Variants in PIAS4 observed in about 807,000 individuals in gnomAD.
PIAS4 encodes the protein protein inhibitor of activated STAT 4, also known as E3 SUMO-protein ligase PIAS4.
A neutral mutation model predicts 58.0 loss-of-function variants in PIAS4; 7 were observed. The observed-to-expected ratio is 0.12, with a 90% CI of 0.07 to 0.23. PIAS4 has a LOEUF of 0.23. Ranked by LOEUF, PIAS4 falls within the 10% of genes least tolerant of loss-of-function variation. PIAS4 has a pLI of 1.00. For synonymous variants in PIAS4, 364 were observed against 312.4 expected, an observed-to-expected ratio of 1.17 and a Z score of -1.74; for missense variants, 550 against 709.5, an observed-to-expected ratio of 0.78 and a Z score of 2.55.
intron 9 of PIAS4, among the ~76,000 whole-genome samples, chr19:4,036,529 A>T (rs2040289457): frequency 1.5e-5 from 2 of 136,366 alleles, no homozygotes; most frequent in South Asian, 4.6e-4. Context: ...TACAGTCCAC[A>T]CCTGTTACAT....
chr19:4,024,706 T>G (rs2040144940), intron 3 of PIAS4, among the ~76,000 whole-genome samples: 1 of 152,068 alleles, frequency 6.6e-6, no homozygotes, highest in Admixed American at 6.6e-5. Context: ...ACCGCCCGCC[T>G]TAGGAATTTA....
At chr19:4,008,370 C>T (rs972554325) in intron 1 of PIAS4, among the ~76,000 whole-genome samples, 1 of 152,086 alleles carries the variant, frequency 6.6e-6, no homozygotes, top group Non-Finnish European at 1.5e-5. Flanking sequence ...CCTGAGACCA[C>T]CCCCAAGACA....
chr19:4,009,573 CA>C (rs755188744), intron 1 of PIAS4, among the ~76,000 whole-genome samples: 16 of 151,898 alleles, frequency 1.1e-4, no homozygotes, highest in Non-Finnish European at 2.4e-4. Context: ...GGCCCCCCCC[CA>C]CCCCAATTAA....
intron 2 of PIAS4, among the ~76,000 whole-genome samples, chr19:4,023,439 G>C (rs1382444231): frequency 6.6e-6 from 1 of 152,172 alleles, no homozygotes; most frequent in Non-Finnish European, 1.5e-5. Context: ...CAGCCTGGGC[G>C]ACAGGGTAAA....
At chr19:4,035,925 TGCACA>T (rs2040274065) in intron 9 of PIAS4, among the ~76,000 whole-genome samples, 1 of 1,630 alleles carries the variant, frequency 6.1e-4, no homozygotes, top group Non-Finnish European at 4.0e-3. Context: ...CACACACACC[TGCACA>T]CATCCATACA....
chr19:4,031,545 G>A (rs531535011), intron 7 of PIAS4, among the ~76,000 whole-genome samples: 16 of 152,250 alleles, frequency 1.1e-4, no homozygotes, highest in African/African-American at 3.9e-4. Context: ...AACCGCCCCC[G>A]ACCTTCCCTG....
At chr19:4,024,141 C>T in intron 3 of PIAS4, 21 bp downstream of exon 3, 3 of 1,577,466 alleles carry the variant, frequency 1.9e-6, no homozygotes, top group Non-Finnish European at 2.6e-6. Flanking sequence ...CCTCCCCCAG[C>T]CCAGCACCCC....
Position 4,013,379 on chromosome 19 carries a change from T to G in PIAS4, c.454+30T>G, listed in dbSNP as rs781459752. On this transcript the variant is annotated intron_variant, in intron 2 of 10. Transcript: ENST00000262971. This position sits in a 1 kb window ranked among gnomAD's most constrained non-coding sequence, Gnocchi z 5.1. ...GTGGTCACCCTGGGGAGGCTGCGAC[T>G]GGAGGCTTCACCTAGGCCCCGTCGC... The G allele has an allele frequency of 6.3e-7, 1 of 1,583,676 alleles. No homozygotes were observed. The highest frequency in any genetic ancestry group is 2.2e-5 in the East Asian group (1 of 44,506).
chr19:4,020,962 C>G (rs1171687522), intron 2 of PIAS4, among the ~76,000 whole-genome samples: 1 of 152,124 alleles, frequency 6.6e-6, no homozygotes, highest in Non-Finnish European at 1.5e-5. Context: ...AGTGGGATTC[C>G]TGATTCCTGG....
Position 4,037,851 on chromosome 19 carries a change from G to C in PIAS4, c.1509G>C (p.Gln503His). Residue 503 changes from glutamine to histidine, a missense_variant, in exon 11 of 11, where the codon CAG becomes CAC. This residue lies in a region of PIAS4 where 188 missense variants were observed against 192.0 expected (regional missense o/e 0.98). Transcript: ENST00000262971. This position sits in a 1 kb window ranked among gnomAD's most constrained non-coding sequence, Gnocchi z 5.8. ...GGCCCAAGCGCCGCTGCCCCTTCCAGAAGGGCCTGGTGCCGGCCTGCTGAC... is the reference window on the plus strand; with the variant it reads ...GGCCCAAGCGCCGCTGCCCCTTCCACAAGGGCCTGGTGCCGGCCTGCTGAC... ...GPRPKRRCPFQKGLVPAC is the reference protein window; with the variant it reads ...GPRPKRRCPFHKGLVPAC The C allele has an allele frequency of 6.4e-7, 1 of 1,567,006 alleles. No individual in the cohort carries two copies. The highest frequency in any genetic ancestry group is 8.6e-7 in the Non-Finnish European group (1 of 1,158,776).
At chr19:4,030,460 A>G (rs903638037) in intron 7 of PIAS4, among the ~76,000 whole-genome samples, 2 of 151,990 alleles carry the variant, frequency 1.3e-5, no homozygotes, top group Non-Finnish European at 2.9e-5. Flanking sequence ...TCTACTAAAA[A>G]TACAAAAAAT....
intron 9 of PIAS4, among the ~76,000 whole-genome samples, chr19:4,036,468 CCG>C (rs2040288175): frequency 6.7e-6 from 1 of 148,228 alleles, no homozygotes; most frequent in South Asian, 2.2e-4. Flanking sequence ...ACGGTCCACA[CCG>C]TCACACATCC....
At chr19:4,008,781 C>T (rs906066223) in intron 1 of PIAS4, among the ~76,000 whole-genome samples, 1 of 152,058 alleles carries the variant, frequency 6.6e-6, no homozygotes, top group African/African-American at 2.4e-5. Flanking sequence ...GACACCCACC[C>T]TCCCCCTACA....
At chr19:4,033,857 C>A (rs992927436) in intron 9 of PIAS4, among the ~76,000 whole-genome samples, 3 of 152,342 alleles carry the variant, frequency 2.0e-5, no homozygotes, top group Admixed American at 2.0e-4. Context: ...GCAAGTGTGA[C>A]CCTGAGCTCC....
At chr19:4,028,468 G>C (rs773581976) in intron 4 of PIAS4, 42 bp from the exon 5 acceptor site, 6 of 1,453,974 alleles carry the variant, frequency 4.1e-6, no homozygotes, top group East Asian at 2.3e-5. Flanking sequence ...AGTCCCTCCT[G>C]TGCGCCCCCT....
chr19:4,017,328 C>A (rs1420433000), intron 2 of PIAS4, among the ~76,000 whole-genome samples: 1 of 152,174 alleles, frequency 6.6e-6, no homozygotes. Context: ...AGCTCCCCAA[C>A]CTGCCCGCTG....
At chr19:4,009,041 A>T (rs1365093152) in intron 1 of PIAS4, among the ~76,000 whole-genome samples, 4 of 152,080 alleles carry the variant, frequency 2.6e-5, no homozygotes, top group Non-Finnish European at 4.4e-5. Context: ...ATTCCAGGGG[A>T]TGTACCTTCT....
intron 4 of PIAS4, 112 bp downstream of exon 4, chr19:4,028,299 C>G: frequency 1.1e-6 from 1 of 945,496 alleles, no homozygotes; most frequent in Non-Finnish European, 1.6e-6. Context: ...ACAGCAGAGC[C>G]CAGCTCTCCT....
chr19:4,032,007 T>G (rs1215060639), intron 7 of PIAS4, among the ~76,000 whole-genome samples: 3 of 152,090 alleles, frequency 2.0e-5, no homozygotes, highest in Non-Finnish European at 4.4e-5. Flanking sequence ...GCAGGGGAGC[T>G]GCTGGGAGCC....
Sources: gnomAD v4.1 joint callset for allele counts (sites outside exome capture counted in the v4.1 genomes callset) on GRCh38, gnomAD v4.1.1 for gene constraint, gnomAD v4.1.1 regional missense constraint, Gnocchi (gnomAD v3.1) non-coding constraint, MANE v1.5 for transcripts, NCBI Gene and HGNC (gene_info 2026-07-23, HGNC 2026-07-21) for gene names.